Variants in UBTD1 observed in about 807,000 individuals in gnomAD.
UBTD1 encodes ubiquitin domain-containing protein 1.
UBTD1 carries 19 observed loss-of-function variants against 21.7 expected under a neutral mutation model. That is an observed-to-expected ratio of 0.87 (90% confidence interval 0.61 to 1.28). The LOEUF (loss-of-function observed/expected upper bound fraction) is 1.28. Ranked by LOEUF, UBTD1 falls within the 50% of genes most tolerant of loss-of-function variation. The pLI is 0.00. For missense variants in UBTD1, 282 were observed against 315.1 expected, an observed-to-expected ratio of 0.89 and a Z score of 0.80; for synonymous variants, 116 against 135.1, an observed-to-expected ratio of 0.86 and a Z score of 0.98.
At chr10:97,552,315 A>G (rs1453406136) in intron 1 of UBTD1, among the ~76,000 whole-genome samples, 1 of 151,868 alleles carries the variant, frequency 6.6e-6, no homozygotes, top group Non-Finnish European at 1.5e-5. Context: ...TTGAGGCTGC[A>G]GTGAGCTATG....
chr10:97,541,568 G>A (rs1042123522), intron 1 of UBTD1, among the ~76,000 whole-genome samples: 1 of 152,118 alleles, frequency 6.6e-6, no homozygotes, highest in Non-Finnish European at 1.5e-5. Flanking sequence ...CCTACTGTGT[G>A]CTCCACACAG....
rs949248605 is a variant in UBTD1, at chr10:97,530,881, A to T, written c.70+31608A>T. On this transcript the variant is annotated intron_variant, in intron 1 of 2. Coordinates refer to ENST00000370664, the MANE Select transcript of UBTD1 (RefSeq NM_024954.5). ...ATAATTTTTATTTTAAAAATTTTTT[A>T]AATTTTTAAATTTTTTACTTTTTTG... Among the ~76,000 whole-genome samples the T allele has an allele frequency of 9.1e-4, 138 of 151,714 alleles. 1 individual carries two copies. The highest frequency in any genetic ancestry group is 3.0e-3 in the African/African-American group (126 of 41,498).
chr10:97,520,492 C>T (rs2040462473), intron 1 of UBTD1, among the ~76,000 whole-genome samples: 1 of 152,134 alleles, frequency 6.6e-6, no homozygotes, highest in South Asian at 2.1e-4. Context: ...ACACATGATA[C>T]TCAGGTAATC....
chr10:97,532,502 G>A (rs76120686), intron 1 of UBTD1, among the ~76,000 whole-genome samples: 3 of 151,470 alleles, frequency 2.0e-5, no homozygotes, highest in Non-Finnish European at 4.4e-5. Flanking sequence ...AAAAAAATTA[G>A]CCAGGCGAGG....
At chr10:97,508,289 A>G (rs1275292260) in intron 1 of UBTD1, among the ~76,000 whole-genome samples, 1 of 152,220 alleles carries the variant, frequency 6.6e-6, no homozygotes, top group Non-Finnish European at 1.5e-5. Context: ...CCTCATGAGA[A>G]TGGGAAGAAG....
intron 1 of UBTD1, among the ~76,000 whole-genome samples, chr10:97,522,785 G>T (rs1327138255): frequency 6.6e-6 from 1 of 152,308 alleles, no homozygotes; most frequent in East Asian, 1.9e-4. Context: ...GAGCCATTTG[G>T]TGCCAGGAAT....
Position 97,567,590 on chromosome 10 carries a change from C to T in UBTD1, c.71-324C>T, listed in dbSNP as rs545750845. 2.0e-4 allele frequency among the ~76,000 whole-genome samples: 31 copies of T among 151,898 alleles called. No homozygotes were observed. In the South Asian group the frequency reaches 5.6e-3, roughly 28 times the overall value. ...AGGAGAGTCGCTTGAACCCGGGAGG[C>T]GGAGGTTGCAGTGAGCCGAGGTCAT... On this transcript the variant is annotated intron_variant, in intron 1 of 2. Transcript: ENST00000370664.
chr10:97,545,519 AATAAT>A (rs2040606899), intron 1 of UBTD1, among the ~76,000 whole-genome samples: 1 of 151,908 alleles, frequency 6.6e-6, no homozygotes, highest in Non-Finnish European at 1.5e-5. Context: ...TGTTCTGTGT[AATAAT>A]ATATAACACG....
chr10:97,532,371 C>T (rs115110583), intron 1 of UBTD1, among the ~76,000 whole-genome samples: 2,851 of 152,302 alleles, frequency 0.019, 98 homozygotes, highest in African/African-American at 0.065. Flanking sequence ...TTGAGCTGGG[C>T]GCAGTGGCTC....
chr10:97,519,880 C>T (rs2040459840), intron 1 of UBTD1, among the ~76,000 whole-genome samples: 1 of 151,858 alleles, frequency 6.6e-6, no homozygotes, highest in Non-Finnish European at 1.5e-5. Context: ...CTCCCACAGC[C>T]CTGCAGGTGT....
At chr10:97,568,232 C>T (rs2040727768) in intron 2 of UBTD1, 91 bp downstream of exon 2, 11 of 1,355,674 alleles carry the variant, frequency 8.1e-6, no homozygotes, top group Non-Finnish European at 1.0e-5. Context: ...AGCGGTGGGG[C>T]AGGTGGTTAC....
At chr10:97,553,806 C>A (rs1351477033) in intron 1 of UBTD1, among the ~76,000 whole-genome samples, 1 of 152,178 alleles carries the variant, frequency 6.6e-6, no homozygotes, top group Non-Finnish European at 1.5e-5. Context: ...GATTTTCAGC[C>A]ACAGAGGCCC....
At chr10:97,569,647 A>G (rs1200629177) in intron 2 of UBTD1, among the ~76,000 whole-genome samples, 1 of 152,188 alleles carries the variant, frequency 6.6e-6, no homozygotes. Context: ...ACAGTTCTGG[A>G]GGCTGGGAAA....
At chr10:97,506,973 G>A (rs1340770914) in intron 1 of UBTD1, among the ~76,000 whole-genome samples, 1 of 152,230 alleles carries the variant, frequency 6.6e-6, no homozygotes, top group Non-Finnish European at 1.5e-5. Context: ...GAACATGGGT[G>A]TGCAAACCAG....
chr10:97,564,588 G>C (rs2040709071), intron 1 of UBTD1, among the ~76,000 whole-genome samples: 1 of 151,920 alleles, frequency 6.6e-6, no homozygotes, highest in African/African-American at 2.4e-5. Flanking sequence ...TTGAAATGGA[G>C]TTTCACTCTT....
intron 1 of UBTD1, among the ~76,000 whole-genome samples, chr10:97,541,728 A>ATTTTTTTT (rs975827062): frequency 3.0e-5 from 3 of 98,886 alleles, no homozygotes; most frequent in South Asian, 3.3e-4. Flanking sequence ...GTCCTCTCTG[A>ATTTTTTTT]TTTTTTTTTT....
chr10:97,500,931 A>T (rs1033142510), intron 1 of UBTD1, among the ~76,000 whole-genome samples: 2 of 152,182 alleles, frequency 1.3e-5, no homozygotes, highest in African/African-American at 4.8e-5. Context: ...CTCCAAAACC[A>T]GGCTCTGCAT....
At position 97,499,028 on chromosome 10, in the gene UBTD1, C is replaced by A. The variant is rs971390997; in HGVS notation, c.-176C>A. 2.9e-6 allele frequency: 2 copies of A among 698,342 alleles called. No individual in the cohort carries two copies. The highest frequency in any genetic ancestry group is 1.9e-5 in the African/African-American group (1 of 52,336). The allele number at this position is 698,342 out of a possible 1,614,324, so 43.3% of individuals were successfully genotyped here. On this transcript the variant is annotated 5_prime_UTR_variant, in exon 1 of 3. Transcript: ENST00000370664. ...TGGGGAGTCTGCCACTTCCCTCTCTCCCCTGGCCCGCAAAGTTTTGGCGGA... is the reference window on the plus strand; with the variant it reads ...TGGGGAGTCTGCCACTTCCCTCTCTACCCTGGCCCGCAAAGTTTTGGCGGA...
At chr10:97,548,246 G>A (rs1174826349) in intron 1 of UBTD1, among the ~76,000 whole-genome samples, 1 of 152,228 alleles carries the variant, frequency 6.6e-6, no homozygotes, top group Non-Finnish European at 1.5e-5. Flanking sequence ...TTGCCAGAAA[G>A]CACATGTAAT....
Sources: allele counts gnomAD v4.1 joint callset (sites outside exome capture counted in the v4.1 genomes callset), GRCh38; gene constraint gnomAD v4.1.1; transcripts MANE v1.5; gene names NCBI Gene and HGNC (gene_info 2026-07-23, HGNC 2026-07-21).